SLC5A1: variants seen among roughly 807,000 people sequenced by gnomAD.
The protein encoded by SLC5A1 is solute carrier family 5 member 1, also known as sodium/glucose cotransporter 1.
In SLC5A1, 42 loss-of-function variants were observed where a neutral mutation model predicts 73.5. That is an observed-to-expected ratio of 0.57 (90% CI 0.45 to 0.74). The LOEUF (loss-of-function observed/expected upper bound fraction) is 0.74. Ranked by LOEUF, SLC5A1 falls within the 30% of genes least tolerant of loss-of-function variation. The probability of loss-of-function intolerance (pLI) is 0.00; values close to 1 mark genes in which losing one functional copy is unlikely to be tolerated. For missense variants in SLC5A1, 634 were observed against 855.4 expected (o/e 0.74, Z 3.23); for synonymous variants, 300 against 317.4 (o/e 0.95, Z 0.58).
At position 32,110,027 on chromosome 22, in the gene SLC5A1, G is replaced by A. The variant is rs200228396; in HGVS notation, c.1809G>A (p.Arg603=). The A allele has an allele frequency of 2.0e-4, 324 of 1,613,912 alleles. No homozygotes were observed. Among genetic ancestry groups the A allele is most frequent in the Non-Finnish European group, 2.5e-4 (291 of 1,179,986 alleles). ...QVPEKKKGIF[R]RAYDLFCGLE... ...CTGAGAAGAAAAAAGGAATCTTCAG[G>A]AGAGCCTATGACCTATTTTGTGGGC... Residue 603 remains arginine, a synonymous_variant, in exon 15 of 15, where the codon AGG becomes AGA. Coordinates refer to ENST00000266088, the MANE Select transcript of SLC5A1 (RefSeq NM_000343.4).
At chr22:32,086,034 G>A (rs909081301) in intron 9 of SLC5A1, among the ~76,000 whole-genome samples, 186 bp from the exon 10 acceptor site, 1 of 152,008 alleles carries the variant, frequency 6.6e-6, no homozygotes, top group East Asian at 1.9e-4. Context: ...CCAGCTACTT[G>A]GGAGGCTGAG....
At chr22:32,074,433 G>A (rs1368602693) in intron 5 of SLC5A1, among the ~76,000 whole-genome samples, 1 of 152,130 alleles carries the variant, frequency 6.6e-6, no homozygotes, top group Non-Finnish European at 1.5e-5. Flanking sequence ...AATTGTATGT[G>A]TTGTGTGCTG....
chr22:32,079,395 C>T (rs1237884397), intron 5 of SLC5A1, among the ~76,000 whole-genome samples: 1 of 152,194 alleles, frequency 6.6e-6, no homozygotes, highest in East Asian at 1.9e-4. Context: ...TTTATCTGTA[C>T]TGTTAGAAGG....
chr22:32,082,278 C>A (rs1424208640), intron 6 of SLC5A1, among the ~76,000 whole-genome samples: 3 of 152,040 alleles, frequency 2.0e-5, no homozygotes, highest in Non-Finnish European at 4.4e-5. Flanking sequence ...GTGGCAGGTG[C>A]AGAAATAAGT....
chr22:32,066,693 G>C (rs2093973855), intron 2 of SLC5A1, among the ~76,000 whole-genome samples: 1 of 152,214 alleles, frequency 6.6e-6, no homozygotes, highest in South Asian at 2.1e-4. Context: ...AGATGATCTG[G>C]TTTTGGGATA....
Position 32,086,297 on chromosome 22 carries a change from C to T in SLC5A1, c.1099C>T (p.Pro367Ser). ...GGTTGGCTGTACCAACATCGCCTATCCAACCTTAGTGGTGGAGCTCATGCC... is the reference window on the plus strand; with the variant it reads ...GGTTGGCTGTACCAACATCGCCTATTCAACCTTAGTGGTGGAGCTCATGCC... ...TKVGCTNIAY[P>S]TLVVELMPNG... is the part of the protein sequence containing the mutation. The change falls in exon 10 of 15, where the codon CCA (proline) becomes TCA (serine). Residue 367 changes from proline (P) to serine (S), a missense_variant. Physicochemically the swap from Pro to Ser is moderately conservative, Grantham distance 74. Around this residue, in one of 3 missense-constraint regions of SLC5A1, gnomAD observed 422 missense variants for 626.1 expected, o/e 0.67. Transcript: ENST00000266088. 6.2e-7 allele frequency: 1 copy of T among 1,613,426 alleles called. No homozygotes were observed. Among genetic ancestry groups the T allele is most frequent in the Non-Finnish European group, 8.5e-7 (1 of 1,179,376 alleles).
Position 32,110,020 on chromosome 22 carries a change from T to A in SLC5A1, c.1802T>A (p.Ile601Asn). 1 of 1,614,042 alleles carries A rather than the reference T, an allele frequency of 6.2e-7. No homozygotes were observed. The highest frequency in any genetic ancestry group is 1.1e-5 in the South Asian group (1 of 91,076). Reference sequence around the variant, plus strand: ...CAAGTTCCTGAGAAGAAAAAAGGAATCTTCAGGAGAGCCTATGACCTATTT... The same window carrying A: ...CAAGTTCCTGAGAAGAAAAAAGGAAACTTCAGGAGAGCCTATGACCTATTT... ...ETQVPEKKKG[I>N]FRRAYDLFCG... Residue 601 changes from isoleucine to asparagine, a missense_variant, in exon 15 of 15, where the codon ATC (isoleucine) becomes AAC (asparagine). By Grantham distance (149) the Ile-to-Asn change is moderately radical (BLOSUM62 -3). Around this residue, in one of 3 missense-constraint regions of SLC5A1, gnomAD observed 161 missense variants for 178.7 expected, o/e 0.90. Transcript: ENST00000266088.
chr22:32,085,937 C>T (rs2094007484), intron 9 of SLC5A1, among the ~76,000 whole-genome samples: 2 of 151,948 alleles, frequency 1.3e-5, no homozygotes, highest in South Asian at 4.1e-4. Context: ...GTCAGGAGAT[C>T]GAGACCATCC....
intron 9 of SLC5A1, among the ~76,000 whole-genome samples, chr22:32,085,331 G>T (rs1471830555): frequency 6.6e-6 from 1 of 151,538 alleles, no homozygotes; most frequent in African/African-American, 2.4e-5. Flanking sequence ...TTGCTATGTT[G>T]CTCAGGCTGG....
At chr22:32,104,730 C>A in intron 13 of SLC5A1, 56 bp from the exon 14 acceptor site, 1 of 1,430,084 alleles carries the variant, frequency 7.0e-7, no homozygotes, top group Non-Finnish European at 9.8e-7. Flanking sequence ...CCCCCAACTT[C>A]TTGTCCCAAG....
intron 11 of SLC5A1, among the ~76,000 whole-genome samples, chr22:32,092,090 C>T (rs907487428): frequency 4.6e-5 from 7 of 152,168 alleles, no homozygotes; most frequent in Admixed American, 6.5e-5. Flanking sequence ...TTTTATCCCT[C>T]GCCCCCCTCC....
intron 5 of SLC5A1, among the ~76,000 whole-genome samples, chr22:32,071,381 A>C (rs2093982607): frequency 6.6e-6 from 1 of 152,152 alleles, no homozygotes; most frequent in African/African-American, 2.4e-5. Flanking sequence ...TGATCCCAGG[A>C]ATTCAAGGTT....
chr22:32,055,216 A>G (rs1399575445), intron 2 of SLC5A1, among the ~76,000 whole-genome samples: 3 of 152,196 alleles, frequency 2.0e-5, no homozygotes, highest in African/African-American at 7.2e-5. Context: ...GTAATGAGTG[A>G]AAGAGGACCA....
Position 32,043,813 on chromosome 22 carries a change from G to T in SLC5A1, c.135+397G>T, listed in dbSNP as rs1273384468. 6.6e-6 allele frequency among the ~76,000 whole-genome samples: 1 copy of T among 152,202 alleles called. No individual in the cohort carries two copies. Among genetic ancestry groups the T allele is most frequent in the African/African-American group, 2.4e-5 (1 of 41,446 alleles). Reference sequence around the variant, plus strand: ...CCTACCTTTTAGTCATCCAGTTTCAGATGGGAAAGAAATGGTGTGGAGTGG... The same window carrying T: ...CCTACCTTTTAGTCATCCAGTTTCATATGGGAAAGAAATGGTGTGGAGTGG... On this transcript the variant is annotated intron_variant, in intron 1 of 14. Transcript: ENST00000266088. This position sits in a 1 kb window ranked among gnomAD's most constrained non-coding sequence, Gnocchi z 6.5.
chr22:32,067,099 T>C (rs1334605807), intron 3 of SLC5A1, 60 bp downstream of exon 3: 1 of 1,320,536 alleles, frequency 7.6e-7, no homozygotes, highest in Non-Finnish European at 1.1e-6. Context: ...AGTCAACCAG[T>C]TCAATCTATG....
At chr22:32,084,835 G>C (rs1160462903) in intron 8 of SLC5A1, 65 bp from the exon 9 acceptor site, 3 of 1,608,560 alleles carry the variant, frequency 1.9e-6, no homozygotes, top group East Asian at 2.2e-5. Flanking sequence ...GGCGAAGCTA[G>C]GAAGTACAAA....
At chr22:32,109,065 A>G (rs2094051445) in intron 14 of SLC5A1, among the ~76,000 whole-genome samples, 4 of 152,048 alleles carry the variant, frequency 2.6e-5, no homozygotes, top group Admixed American at 2.0e-4. Flanking sequence ...CTTAGCTACT[A>G]AGGAGACCGA....
intron 1 of SLC5A1, 77 bp from the exon 2 acceptor site, chr22:32,049,866 A>G (rs913572071): frequency 9.0e-7 from 1 of 1,111,016 alleles, no homozygotes; most frequent in Non-Finnish European, 1.4e-6. Context: ...AGGTGCACGA[A>G]TGGGGAGGTA....
chr22:32,102,272 A>C, intron 13 of SLC5A1, 35 bp downstream of exon 13: 1 of 1,458,348 alleles, frequency 6.9e-7, no homozygotes, highest in Non-Finnish European at 9.6e-7. Context: ...TCCTTGTTTC[A>C]TGTTCACACT....
Sources: gnomAD v4.1 joint callset for allele counts (sites outside exome capture counted in the v4.1 genomes callset) on GRCh38, gnomAD v4.1.1 for gene constraint, gnomAD v4.1.1 regional missense constraint, Gnocchi (gnomAD v3.1) non-coding constraint, MANE v1.5 for transcripts, NCBI Gene and HGNC (gene_info 2026-07-23, HGNC 2026-07-21) for gene names.